Variants in GTF2E1 observed in about 807,000 individuals in gnomAD.
GTF2E1 encodes TFIIE alpha subunit.
In GTF2E1, 14 loss-of-function variants were observed where a neutral mutation model predicts 34.9. The ratio of observed to expected loss-of-function variants is 0.40; its 90% CI spans 0.27 to 0.63. The LOEUF is 0.63. Ranked by LOEUF, GTF2E1 falls within the 20% of genes least tolerant of loss-of-function variation. The pLI, the probability that GTF2E1 is intolerant of heterozygous loss-of-function variation, is 0.39. For synonymous variants in GTF2E1, 188 were observed against 192.9 expected, an observed-to-expected ratio of 0.97 and a Z score of 0.21; for missense variants, 469 against 557.7, an observed-to-expected ratio of 0.84 and a Z score of 1.60.
intron 2 of GTF2E1, among the ~76,000 whole-genome samples, chr3:120,766,318 C>T (rs77624514): frequency 0.013 from 1,946 of 152,228 alleles, 58 homozygotes; most frequent in African/African-American, 0.044. Flanking sequence ...TCAGGCAGAT[C>T]AATATATGTA....
intron 1 of GTF2E1, chr3:120,749,615 TG>T (rs1235671467): frequency 6.6e-6 from 1 of 152,254 alleles, no homozygotes; most frequent in African/African-American, 2.4e-5. Flanking sequence ...CACTTGATCA[TG>T]GTGGATAATA....
At chr3:120,763,219 T>G (rs1709279550) in intron 2 of GTF2E1, among the ~76,000 whole-genome samples, 1 of 152,222 alleles carries the variant, frequency 6.6e-6, no homozygotes, top group Non-Finnish European at 1.5e-5. Context: ...GATAATTTGT[T>G]GCAAGCTTTA....
At chr3:120,748,993 A>T (rs1311457272) in intron 1 of GTF2E1, among the ~76,000 whole-genome samples, 1 of 152,056 alleles carries the variant, frequency 6.6e-6, no homozygotes. Context: ...ATTCCTAGGT[A>T]TTTTATTCTC....
At chr3:120,759,024 C>T (rs372506338) in intron 2 of GTF2E1, among the ~76,000 whole-genome samples, 10 of 152,284 alleles carry the variant, frequency 6.6e-5, no homozygotes, top group African/African-American at 2.2e-4. Context: ...AACTAATTTA[C>T]ACTCCCACCA....
chr3:120,754,351 C>T (rs1184793213), intron 2 of GTF2E1, among the ~76,000 whole-genome samples: 1 of 152,120 alleles, frequency 6.6e-6, no homozygotes, highest in Non-Finnish European at 1.5e-5. Flanking sequence ...TACGTATTAC[C>T]TACAATTACA....
In GTF2E1 at chr3:120,781,495, C is replaced by G. The variant is rs894355408; in HGVS notation, c.*25C>G. The stretch of plus-strand genomic sequence containing the variant: ...AGCTTTCCCTAATTCTTTCTCCTTT[C>G]TCTAATGCTCAGTTCAAAAAGGAAT... On this transcript the variant is annotated 3_prime_UTR_variant, in exon 5 of 5. Transcript: ENST00000283875. 4 of 1,562,666 alleles carry G rather than the reference C, an allele frequency of 2.6e-6. No individual in the cohort carries two copies. In the African/African-American group the frequency reaches 5.4e-5, roughly 21 times the overall value.
At chr3:120,755,119 T>C (rs1559830622) in intron 2 of GTF2E1, among the ~76,000 whole-genome samples, 1 of 152,184 alleles carries the variant, frequency 6.6e-6, no homozygotes. Flanking sequence ...AGTAAGTGTC[T>C]AATAAATAAC....
chr3:120,765,739 G>A (rs936174369), intron 2 of GTF2E1, among the ~76,000 whole-genome samples: 1 of 152,134 alleles, frequency 6.6e-6, no homozygotes, highest in Non-Finnish European at 1.5e-5. Context: ...TGAATATATA[G>A]GAATATTTGT....
At chr3:120,766,240 T>C (rs563747279) in intron 2 of GTF2E1, among the ~76,000 whole-genome samples, 2 of 152,176 alleles carry the variant, frequency 1.3e-5, no homozygotes, top group Admixed American at 1.3e-4. Flanking sequence ...TGAGTATAAA[T>C]TCCACTGGGG....
At chr3:120,744,865 C>G (rs1006634535) in intron 1 of GTF2E1, among the ~76,000 whole-genome samples, 13 of 152,118 alleles carry the variant, frequency 8.5e-5, no homozygotes, top group Non-Finnish European at 1.6e-4. Flanking sequence ...AAGCAGAACA[C>G]TTTGCATTAA....
intron 3 of GTF2E1, among the ~76,000 whole-genome samples, chr3:120,773,976 ACTC>A (rs925964913): frequency 3.9e-5 from 6 of 152,164 alleles, no homozygotes; most frequent in African/African-American, 1.4e-4. Flanking sequence ...TTCTCAAAGT[ACTC>A]CTCATACCTT....
chr3:120,764,524 A>T (rs1027444849), intron 2 of GTF2E1, among the ~76,000 whole-genome samples: 1 of 152,240 alleles, frequency 6.6e-6, no homozygotes, highest in African/African-American at 2.4e-5. Context: ...AAAATGACTG[A>T]ATAATATTTC....
chr3:120,780,411 G>T (rs1709436942), intron 4 of GTF2E1, among the ~76,000 whole-genome samples: 1 of 152,164 alleles, frequency 6.6e-6, no homozygotes, highest in Admixed American at 6.5e-5. Context: ...AGTACCTAAA[G>T]GAAAAATATT....
chr3:120,755,964 A>G (rs1023483925), intron 2 of GTF2E1, among the ~76,000 whole-genome samples: 3 of 152,208 alleles, frequency 2.0e-5, no homozygotes, highest in Admixed American at 1.3e-4. Flanking sequence ...ATGGCTGAAT[A>G]GTACTCCATT....
chr3:120,769,355 C>T (rs1709333989), intron 2 of GTF2E1, among the ~76,000 whole-genome samples: 1 of 152,138 alleles, frequency 6.6e-6, no homozygotes, highest in South Asian at 2.1e-4. Context: ...ATGCTTTCTG[C>T]AGCAAGGGAA....
intron 1 of GTF2E1, among the ~76,000 whole-genome samples, chr3:120,744,244 G>T (rs573289343): frequency 7.1e-4 from 108 of 152,292 alleles, no homozygotes; most frequent in African/African-American, 2.4e-3. Context: ...GATACAATGC[G>T]TGGGGGGCTG....
At chr3:120,766,445 G>C (rs953485033) in intron 2 of GTF2E1, among the ~76,000 whole-genome samples, 1 of 152,072 alleles carries the variant, frequency 6.6e-6, no homozygotes, top group Non-Finnish European at 1.5e-5. Flanking sequence ...GGTCACCCCA[G>C]TTTATCTTGT....
At chr3:120,771,985 C>T (rs1709355527) in intron 3 of GTF2E1, among the ~76,000 whole-genome samples, 1 of 152,156 alleles carries the variant, frequency 6.6e-6, no homozygotes, top group African/African-American at 2.4e-5. Flanking sequence ...TTTCACAGCT[C>T]AATTATATCT....
At chr3:120,770,435 T>A (rs1709342064) in intron 2 of GTF2E1, among the ~76,000 whole-genome samples, 1 of 152,180 alleles carries the variant, frequency 6.6e-6, no homozygotes, top group African/African-American at 2.4e-5. Flanking sequence ...GTAAAGAATT[T>A]GGCTTTAAGT....
Sources: allele counts gnomAD v4.1 joint callset (sites outside exome capture counted in the v4.1 genomes callset), GRCh38; gene constraint gnomAD v4.1.1; transcripts MANE v1.5; gene names NCBI Gene and HGNC (gene_info 2026-07-23, HGNC 2026-07-21).